LRP1B: variants seen among roughly 807,000 people sequenced by gnomAD.
The protein encoded by LRP1B is low-density lipoprotein receptor-related protein 1B.
In LRP1B, 217 loss-of-function variants were observed where a neutral mutation model predicts 556.6. The ratio of observed to expected loss-of-function variants is 0.39; its 90% CI spans 0.35 to 0.44. The LOEUF (loss-of-function observed/expected upper bound fraction) is 0.44, where lower values mean the gene tolerates loss of function less well. Among genes scored for constraint, LRP1B ranks in the 20% least tolerant of loss-of-function variants. The probability of loss-of-function intolerance (pLI) is 1.00; values close to 1 mark genes in which losing one functional copy is unlikely to be tolerated. For missense variants in LRP1B, 5,053 were observed against 5,620.8 expected (o/e 0.90, Z 3.23); for synonymous variants, 2,047 against 1,865.8 (o/e 1.10, Z -2.50).
intron 2 of LRP1B, among the ~76,000 whole-genome samples, chr2:141,589,297 A>C (rs930647803): frequency 6.6e-6 from 1 of 152,202 alleles, no homozygotes; most frequent in African/African-American, 2.4e-5. Flanking sequence ...TATGGAACTT[A>C]AAATAACACT....
intron 6 of LRP1B, among the ~76,000 whole-genome samples, chr2:141,227,574 C>T (rs755907788): frequency 2.0e-5 from 3 of 152,004 alleles, no homozygotes; most frequent in African/African-American, 4.8e-5. Flanking sequence ...AAATATCCAC[C>T]GCTTTCATTA....
At chr2:141,349,262 C>T (rs2683822) in intron 3 of LRP1B, among the ~76,000 whole-genome samples, 86,360 of 151,688 alleles carry the variant, frequency 0.57, 25,329 homozygotes, top group Non-Finnish European at 0.62. Flanking sequence ...TTTAATGTAA[C>T]GCAAAAATGA....
At chr2:141,863,385 C>T (rs1016175490) in intron 1 of LRP1B, among the ~76,000 whole-genome samples, 8 of 151,968 alleles carry the variant, frequency 5.3e-5, no homozygotes, top group Admixed American at 2.0e-4. Flanking sequence ...AGTGATCAGG[C>T]AAAAATAAAG....
At position 141,643,294 on chromosome 2, in the gene LRP1B, G is replaced by C. The variant is rs537812624; in HGVS notation, c.206-162761C>G. Among the ~76,000 whole-genome samples the C allele has an allele frequency of 6.6e-5, 10 of 152,208 alleles. No homozygotes were observed. The South Asian group carries it at 1.5e-3, about 22-fold the overall frequency. ...ACAGAAGCACCCTCCTCAGTCTACA[G>C]ACTCCAGAAAATTGTATTTCGCCAG... On this transcript the variant is annotated intron_variant, in intron 2 of 90. Coordinates refer to ENST00000389484, the MANE Select transcript of LRP1B (RefSeq NM_018557.3).
intron 7 of LRP1B, among the ~76,000 whole-genome samples, chr2:141,072,697 T>C (rs1261702932): frequency 6.6e-6 from 1 of 151,992 alleles, no homozygotes; most frequent in African/African-American, 2.4e-5. Flanking sequence ...TTCTTTCTCA[T>C]TCCTTCTCCA....
intron 68 of LRP1B, among the ~76,000 whole-genome samples, chr2:140,376,069 T>C (rs1324346344): frequency 6.6e-6 from 1 of 152,028 alleles, no homozygotes; most frequent in Non-Finnish European, 1.5e-5. Context: ...CTACCAATAG[T>C]GTTAGCTACT....
At chr2:140,815,333 G>A (rs976791832) in intron 31 of LRP1B, among the ~76,000 whole-genome samples, 14 of 151,864 alleles carry the variant, frequency 9.2e-5, no homozygotes, top group African/African-American at 3.4e-4. Flanking sequence ...TGAGAGTTGG[G>A]GTCTCACTCT....
chr2:140,936,851 G>T (rs1003856394), intron 20 of LRP1B, among the ~76,000 whole-genome samples: 1 of 151,906 alleles, frequency 6.6e-6, no homozygotes, highest in African/African-American at 2.4e-5. Context: ...GTATTAGGTT[G>T]GTACAAAAGT....
chr2:141,152,258 G>A (rs2105086006), intron 7 of LRP1B, among the ~76,000 whole-genome samples: 1 of 152,082 alleles, frequency 6.6e-6, no homozygotes, highest in African/African-American at 2.4e-5. Context: ...GTAACTCATA[G>A]AATTGTAGTG....
chr2:141,239,924 G>T (rs2105314031), intron 5 of LRP1B, among the ~76,000 whole-genome samples: 1 of 152,098 alleles, frequency 6.6e-6, no homozygotes, highest in East Asian at 1.9e-4. Flanking sequence ...CTATTATAAA[G>T]AGAGATTAAG....
intron 3 of LRP1B, among the ~76,000 whole-genome samples, chr2:141,370,546 T>TGAG (rs1162310599): frequency 6.6e-6 from 1 of 152,198 alleles, no homozygotes; most frequent in East Asian, 1.9e-4. Flanking sequence ...ATCCTGGATA[T>TGAG]GAGTCCCCTG....
intron 4 of LRP1B, among the ~76,000 whole-genome samples, chr2:141,251,931 T>C (rs1684276413): frequency 6.6e-6 from 1 of 152,116 alleles, no homozygotes; most frequent in African/African-American, 2.4e-5. Flanking sequence ...GATTCTACAA[T>C]CATAGGGATC....
chr2:140,778,225 T>G (rs1689566462), intron 32 of LRP1B, among the ~76,000 whole-genome samples: 1 of 152,188 alleles, frequency 6.6e-6, no homozygotes. Flanking sequence ...AGCTACTTTT[T>G]TCATAGAACA....
intron 7 of LRP1B, among the ~76,000 whole-genome samples, chr2:141,135,415 T>C (rs970573832): frequency 1.3e-5 from 2 of 151,990 alleles, no homozygotes; most frequent in African/African-American, 4.8e-5. Flanking sequence ...GGAAATAATG[T>C]GTTCTTAGCT....
chr2:140,840,853 A>G lies in LRP1B; in HGVS notation c.5114+65T>C. 6 of 1,269,248 alleles carry G rather than the reference A, an allele frequency of 4.7e-6. No homozygotes were observed. The South Asian group carries it at 6.1e-5, about 13-fold the overall frequency. 78.6% of individuals were successfully genotyped at this position (1,269,248 alleles called of 1,614,324 possible). On this transcript the variant is annotated intron_variant, in intron 30 of 90. Transcript: ENST00000389484. Reference sequence around the variant, plus strand: ...ATCCTCTGAATTAAGCAATGTTTTTATATAAAATCAGGGCAAAAGTCTATG... The same window carrying G: ...ATCCTCTGAATTAAGCAATGTTTTTGTATAAAATCAGGGCAAAAGTCTATG...
At chr2:140,837,256 G>A (rs1691938023) in intron 31 of LRP1B, among the ~76,000 whole-genome samples, 1 of 152,150 alleles carries the variant, frequency 6.6e-6, no homozygotes, top group Admixed American at 6.5e-5. Context: ...CAAGCTAACA[G>A]TAACTTGCTC....
At chr2:140,284,726 GTTT>G (rs5834731) in intron 84 of LRP1B, among the ~76,000 whole-genome samples, 2 of 150,484 alleles carry the variant, frequency 1.3e-5, no homozygotes, top group Non-Finnish European at 3.0e-5. Flanking sequence ...TTTGCTTCTA[GTTT>G]TTTTTTTCAA....
chr2:140,826,290 G>A (rs985722075), intron 31 of LRP1B, among the ~76,000 whole-genome samples: 2 of 152,168 alleles, frequency 1.3e-5, no homozygotes, highest in Admixed American at 6.5e-5. Flanking sequence ...GCCACTATCT[G>A]TATGGAGTTT....
At chr2:141,548,560 A>C (rs1685634740) in intron 2 of LRP1B, among the ~76,000 whole-genome samples, 1 of 152,208 alleles carries the variant, frequency 6.6e-6, no homozygotes, top group East Asian at 1.9e-4. Context: ...CTGCTGAGAT[A>C]ACAAAATTCA....
Sources: allele counts gnomAD v4.1 joint callset (sites outside exome capture counted in the v4.1 genomes callset), GRCh38; gene constraint gnomAD v4.1.1; transcripts MANE v1.5; gene names NCBI Gene and HGNC (gene_info 2026-07-23, HGNC 2026-07-21).